AUTS2: variants seen among roughly 807,000 people sequenced by gnomAD.
AUTS2 encodes autism susceptibility gene 2 protein.
AUTS2 carries 17 observed loss-of-function variants against 112.4 expected under a neutral mutation model. The observed-to-expected ratio is 0.15, with a 90% CI of 0.10 to 0.23. AUTS2 has a LOEUF of 0.23. Ranked by LOEUF, AUTS2 falls within the 10% of genes least tolerant of loss-of-function variation. AUTS2 has a pLI of 1.00. For missense variants in AUTS2, 1,510 were observed against 1,701.6 expected (o/e 0.89, Z 1.98); for synonymous variants, 751 against 702.7 (o/e 1.07, Z -1.09).
chr7:69,716,760 C>T (rs930978201), intron 1 of AUTS2, among the ~76,000 whole-genome samples: 9 of 152,080 alleles, frequency 5.9e-5, no homozygotes, highest in South Asian at 2.1e-4. Context: ...AGCTATTAAT[C>T]GGGGTTCTCA....
intron 2 of AUTS2, among the ~76,000 whole-genome samples, chr7:70,076,541 A>G (rs1803043154): frequency 6.6e-6 from 1 of 152,182 alleles, no homozygotes. Flanking sequence ...TAATTATGAA[A>G]CATGAAGAGT....
chr7:70,385,755 G>A (rs1421000765), intron 4 of AUTS2, among the ~76,000 whole-genome samples: 3 of 152,032 alleles, frequency 2.0e-5, no homozygotes, highest in South Asian at 2.1e-4. Context: ...AAAATTTTCC[G>A]GACCAAAGAG....
intron 4 of AUTS2, among the ~76,000 whole-genome samples, chr7:70,153,879 T>C (rs1201816558): frequency 3.3e-5 from 5 of 152,236 alleles, no homozygotes; most frequent in South Asian, 4.1e-4. Context: ...GGAGAGAAAA[T>C]GCATACAAAA....
At chr7:70,233,614 A>T (rs1812170396) in intron 4 of AUTS2, among the ~76,000 whole-genome samples, 2 of 152,144 alleles carry the variant, frequency 1.3e-5, no homozygotes, top group Admixed American at 6.5e-5. Flanking sequence ...TCTGATGTAT[A>T]TTTTTCCATT....
intron 1 of AUTS2, among the ~76,000 whole-genome samples, chr7:69,618,259 C>G (rs1793482849): frequency 6.6e-6 from 1 of 152,144 alleles, no homozygotes; most frequent in East Asian, 1.9e-4. Context: ...TAAGATGGTT[C>G]TAGGTAGGGC....
intron 10 of AUTS2, among the ~76,000 whole-genome samples, chr7:70,769,403 A>C (rs553006544): frequency 6.6e-6 from 1 of 152,280 alleles, no homozygotes; most frequent in African/African-American, 2.4e-5. Flanking sequence ...AAAATAATTC[A>C]GGCTGGGTGC....
chr7:69,957,288 C>CT (rs1031121063), intron 2 of AUTS2, among the ~76,000 whole-genome samples: 10 of 150,730 alleles, frequency 6.6e-5, no homozygotes, highest in African/African-American at 2.2e-4. Flanking sequence ...TAATGAGCTC[C>CT]TTATCAACCG....
At chr7:69,796,727 TTGTTATAGAG>T (rs2129332182) in intron 1 of AUTS2, among the ~76,000 whole-genome samples, 1 of 152,310 alleles carries the variant, frequency 6.6e-6, no homozygotes, top group Non-Finnish European at 1.5e-5. Flanking sequence ...TGTTATTTTT[TTGTTATAGAG>T]TGGTAACTTG....
At chr7:70,309,559 CTCT>C (rs1789642740) in intron 4 of AUTS2, among the ~76,000 whole-genome samples, 1 of 152,176 alleles carries the variant, frequency 6.6e-6, no homozygotes, top group Non-Finnish European at 1.5e-5. Context: ...TCAAATACTC[CTCT>C]TAACTTACCA....
At chr7:70,254,887 C>T (rs963214885) in intron 4 of AUTS2, among the ~76,000 whole-genome samples, 1 of 152,014 alleles carries the variant, frequency 6.6e-6, no homozygotes, top group African/African-American at 2.4e-5. Flanking sequence ...TGTTTTAAAT[C>T]CTAAAACTGG....
intron 2 of AUTS2, among the ~76,000 whole-genome samples, chr7:70,056,312 C>G (rs1801992086): frequency 6.6e-6 from 1 of 152,138 alleles, no homozygotes; most frequent in Admixed American, 6.6e-5. Flanking sequence ...ACTTTTATAG[C>G]CTAAAGTGGC....
chr7:69,639,343 A>G (rs978574331), intron 1 of AUTS2, among the ~76,000 whole-genome samples: 4 of 152,212 alleles, frequency 2.6e-5, no homozygotes, highest in Non-Finnish European at 5.9e-5. Context: ...CTCAAGAGAA[A>G]GGGGATAGGC....
At chr7:69,870,918 A>G (rs909036738) in intron 1 of AUTS2, among the ~76,000 whole-genome samples, 1 of 152,224 alleles carries the variant, frequency 6.6e-6, no homozygotes, top group Non-Finnish European at 1.5e-5. Context: ...GTGCAATGCC[A>G]GTTTTAAATG....
At chr7:70,268,592 C>T (rs1787545882) in intron 4 of AUTS2, among the ~76,000 whole-genome samples, 1 of 152,172 alleles carries the variant, frequency 6.6e-6, no homozygotes, top group African/African-American at 2.4e-5. Context: ...CCCTTCTTTA[C>T]CTCAATCATC....
intron 6 of AUTS2, among the ~76,000 whole-genome samples, chr7:70,717,861 T>A (rs1810465427): frequency 1.3e-5 from 2 of 152,176 alleles, no homozygotes; most frequent in Admixed American, 1.3e-4. Context: ...GCAATTATTT[T>A]AAAGGCATCC....
chr7:70,185,257 CTT>C (rs35215443), intron 4 of AUTS2, among the ~76,000 whole-genome samples: 59 of 87,100 alleles, frequency 6.8e-4, no homozygotes, highest in East Asian at 6.4e-3. Flanking sequence ...TGACATTAAA[CTT>C]TTTTTTTTTT....
intron 1 of AUTS2, among the ~76,000 whole-genome samples, chr7:69,805,495 G>A (rs961206780): frequency 1.3e-5 from 2 of 152,030 alleles, no homozygotes; most frequent in Non-Finnish European, 1.5e-5. Context: ...AAATGATCTG[G>A]GTAGGATGGT....
chr7:70,041,059 C>A (rs1255267736), intron 2 of AUTS2, among the ~76,000 whole-genome samples: 1 of 152,074 alleles, frequency 6.6e-6, no homozygotes, highest in Non-Finnish European at 1.5e-5. Flanking sequence ...GGGTAATTCC[C>A]ACACACCCTT....
intron 5 of AUTS2, among the ~76,000 whole-genome samples, chr7:70,536,478 C>G (rs1291670654): frequency 6.7e-6 from 1 of 149,300 alleles, no homozygotes; most frequent in African/African-American, 2.5e-5. Flanking sequence ...CGTGAATATG[C>G]AGAGTAGGCA....
Sources: allele counts gnomAD v4.1 joint callset (sites outside exome capture counted in the v4.1 genomes callset), GRCh38; gene constraint gnomAD v4.1.1; transcripts MANE v1.5; gene names NCBI Gene and HGNC (gene_info 2026-07-23, HGNC 2026-07-21).